The following C2CD3 variants were observed in gnomAD, a reference collection of about 807,000 sequenced individuals.
C2CD3 encodes the protein C2 domain containing 3 centriole elongation regulator.
In C2CD3, 148 loss-of-function variants were observed where a neutral mutation model predicts 234.0. The ratio of observed to expected loss-of-function variants is 0.63; its 90% confidence interval spans 0.55 to 0.72. The LOEUF is 0.72. C2CD3 is among the 30% of genes least tolerant of loss of function. The pLI is 0.00. For synonymous variants in C2CD3, 1,000 were observed against 1,035.4 expected (o/e 0.97, Z 0.66); for missense variants, 2,577 against 2,811.5 (o/e 0.92, Z 1.89).
chr11:74,041,820 G>C (rs574277697), intron 29 of C2CD3, among the ~76,000 whole-genome samples: 1 of 152,282 alleles, frequency 6.6e-6, no homozygotes, highest in South Asian at 2.1e-4. Flanking sequence ...ATTTACAGGT[G>C]CATCAGTAAC....
intron 2 of C2CD3, 71 bp from the exon 3 acceptor site, chr11:74,161,627 G>A (rs1856477323): frequency 9.7e-7 from 1 of 1,030,758 alleles, no homozygotes; most frequent in Non-Finnish European, 1.4e-6. Flanking sequence ...CGTGGGTAGA[G>A]GGGTATATGC....
chr11:74,106,329 C>T, intron 13 of C2CD3, 42 bp downstream of exon 13: 1 of 1,604,436 alleles, frequency 6.2e-7, no homozygotes, highest in Non-Finnish European at 8.5e-7. Flanking sequence ...ATAATGCATA[C>T]TCAGCAAATA....
At position 74,049,650 on chromosome 11, in the gene C2CD3, T is replaced by C. The variant is rs562422099; in HGVS notation, c.5156-108A>G. On this transcript the variant is annotated intron_variant, in intron 26 of 32. Transcript: ENST00000334126. ...TTCAGGGGATGGAGGAATTTAGTGATCCCAAAGCCATCAGAGAAGACAGAT... is the reference window on the plus strand; with the variant it reads ...TTCAGGGGATGGAGGAATTTAGTGACCCCAAAGCCATCAGAGAAGACAGAT... 46 of 797,640 alleles carry C rather than the reference T, an allele frequency of 5.8e-5. No individual in the cohort carries two copies. The East Asian group carries it at 1.1e-3, about 19-fold the overall frequency. 49.4% of individuals were successfully genotyped at this position (797,640 alleles called of 1,614,324 possible). A position where few individuals can be genotyped will look rare whatever the true frequency, so the allele number is the denominator to read the frequency against.
intron 31 of C2CD3, among the ~76,000 whole-genome samples, chr11:74,029,761 G>C (rs541395808): frequency 6.6e-6 from 1 of 152,258 alleles, no homozygotes; most frequent in Admixed American, 6.5e-5. Context: ...CTTTTATTTT[G>C]TTATGTTTTT....
chr11:74,143,996 T>C (rs976543877), intron 3 of C2CD3, among the ~76,000 whole-genome samples: 18 of 152,220 alleles, frequency 1.2e-4, no homozygotes, highest in African/African-American at 4.1e-4. Flanking sequence ...ATCTAAGTTG[T>C]CAAATTAATA....
intron 4 of C2CD3, 44 bp from the exon 5 acceptor site, chr11:74,139,011 T>C (rs1341588682): frequency 8.7e-6 from 13 of 1,499,580 alleles, no homozygotes; most frequent in Non-Finnish European, 1.2e-5. Context: ...TATAATCTAT[T>C]ATGGTAACAT....
chr11:74,109,174 C>G, intron 11 of C2CD3, 22 bp from the exon 12 acceptor site: 1 of 1,308,124 alleles, frequency 7.6e-7, no homozygotes, highest in Non-Finnish European at 1.1e-6. Context: ...ACCAGACACA[C>G]AGACATGTCA....
At chr11:74,167,080 T>C (rs1856859974) in intron 2 of C2CD3, among the ~76,000 whole-genome samples, 1 of 152,204 alleles carries the variant, frequency 6.6e-6, no homozygotes, top group Non-Finnish European at 1.5e-5. Context: ...ATTTTACAGA[T>C]GGGGAAACAG....
chr11:74,077,272 C>T (rs1338080583), intron 23 of C2CD3, among the ~76,000 whole-genome samples: 1 of 151,818 alleles, frequency 6.6e-6, no homozygotes, highest in African/African-American at 2.4e-5. Context: ...TAAATTCATT[C>T]ATTATTTCAT....
At chr11:74,027,674 T>C (rs1245343972) in intron 32 of C2CD3, among the ~76,000 whole-genome samples, 1 of 152,222 alleles carries the variant, frequency 6.6e-6, no homozygotes, top group Non-Finnish European at 1.5e-5. Flanking sequence ...TTTACTACTA[T>C]ATGCTCAGTA....
intron 30 of C2CD3, among the ~76,000 whole-genome samples, chr11:74,034,857 T>C (rs1002966039): frequency 2.0e-5 from 3 of 152,202 alleles, no homozygotes; most frequent in African/African-American, 7.2e-5. Flanking sequence ...CAAACCATCC[T>C]CTCTGAGCCT....
At chr11:74,058,146 C>A (rs562485166) in intron 24 of C2CD3, among the ~76,000 whole-genome samples, 2 of 152,272 alleles carry the variant, frequency 1.3e-5, no homozygotes, top group Admixed American at 1.3e-4. Flanking sequence ...GAGTCCTGAA[C>A]CTAAGAGTCA....
At chr11:74,166,824 C>A (rs1856844541) in intron 2 of C2CD3, among the ~76,000 whole-genome samples, 1 of 152,142 alleles carries the variant, frequency 6.6e-6, no homozygotes, top group African/African-American at 2.4e-5. Flanking sequence ...AGCTACTAGA[C>A]CGATCACTTT....
At chr11:74,060,890 C>T (rs530415122) in intron 24 of C2CD3, among the ~76,000 whole-genome samples, 59 of 152,226 alleles carry the variant, frequency 3.9e-4, no homozygotes, top group Middle Eastern at 6.8e-3. Flanking sequence ...AAAGATTAGA[C>T]GACTGACTAA....
At chr11:74,089,382 C>T (rs1450984885) in intron 20 of C2CD3, among the ~76,000 whole-genome samples, 1 of 152,196 alleles carries the variant, frequency 6.6e-6, no homozygotes, top group Non-Finnish European at 1.5e-5. Context: ...CAAAACCAAC[C>T]TGTCTTGACA....
At position 74,090,873 on chromosome 11, in the gene C2CD3, G is replaced by T. The variant is rs770452847; in HGVS notation, c.3581C>A (p.Ala1194Asp). 6.2e-7 allele frequency: 1 copy of T among 1,613,938 alleles called. No individual in the cohort carries two copies. Among genetic ancestry groups the T allele is most frequent in the African/African-American group, 1.3e-5 (1 of 74,892 alleles). Residue 1194 changes from alanine (A) to aspartate (D), a missense_variant, in exon 20 of 33, where the codon GCC (alanine) becomes GAC (aspartate). Coordinates refer to ENST00000334126, the MANE Select transcript of C2CD3 (RefSeq NM_001286577.2). ...CTGGACTGAGATGGAAACAGTTCGGGCAGCAAGAACTCCCTCTGCTGTTCT... is the reference window on the plus strand; with the variant it reads ...CTGGACTGAGATGGAAACAGTTCGGTCAGCAAGAACTCCCTCTGCTGTTCT... ...SPRTAEGVLA[A>D]RTVSISVQII...
chr11:74,079,198 C>T (rs10898954), intron 22 of C2CD3, among the ~76,000 whole-genome samples: 70,599 of 151,954 alleles, frequency 0.46, 16,463 homozygotes, highest in Non-Finnish European at 0.48. Flanking sequence ...TCAAGGGAAT[C>T]GGCACTTAGA....
intron 3 of C2CD3, among the ~76,000 whole-genome samples, chr11:74,149,595 AACTT>A (rs1335053366): frequency 1.3e-5 from 2 of 149,684 alleles, no homozygotes; most frequent in Admixed American, 1.3e-4. Context: ...GGTGTTTTGT[AACTT>A]TTTTTTTTTT....
intron 3 of C2CD3, among the ~76,000 whole-genome samples, chr11:74,155,776 T>C (rs1288281505): frequency 1.3e-5 from 2 of 152,152 alleles, no homozygotes; most frequent in Non-Finnish European, 2.9e-5. Flanking sequence ...ACAGTGTTTC[T>C]TTTTGGGGTG....
Sources: allele counts gnomAD v4.1 joint callset (sites outside exome capture counted in the v4.1 genomes callset), GRCh38; gene constraint gnomAD v4.1.1; transcripts MANE v1.5; gene names NCBI Gene and HGNC (gene_info 2026-07-23, HGNC 2026-07-21).